CNBD1: variants seen among roughly 807,000 people sequenced by gnomAD.
CNBD1 encodes cyclic nucleotide binding domain containing 1, also known as cyclic nucleotide-binding domain-containing protein 1.
CNBD1 carries 71 observed loss-of-function variants against 54.4 expected under a neutral mutation model. The observed-to-expected ratio is 1.30, with a 90% confidence interval of 1.08 to 1.59. The LOEUF (loss-of-function observed/expected upper bound fraction) is 1.59. Among genes scored for constraint, CNBD1 ranks in the 40% most tolerant of loss-of-function variants. The pLI is 0.00. For missense variants in CNBD1, 659 were observed against 518.0 expected (o/e 1.27, Z -2.64); for synonymous variants, 182 against 170.7 (o/e 1.07, Z -0.51).
chr8:87,305,163 C>CA (rs1279991533), intron 8 of CNBD1, among the ~76,000 whole-genome samples: 2 of 151,178 alleles, frequency 1.3e-5, no homozygotes, highest in Non-Finnish European at 3.0e-5. Flanking sequence ...ACAATAGCTG[C>CA]AAAAAAAGAA....
chr8:87,388,754 G>C (rs960336236), intron 2 of CNBD1, among the ~76,000 whole-genome samples: 2 of 152,088 alleles, frequency 1.3e-5, no homozygotes, highest in Non-Finnish European at 2.9e-5. Context: ...CATTTTATGA[G>C]GCCTACATTA....
intron 8 of CNBD1, among the ~76,000 whole-genome samples, chr8:87,341,975 C>T (rs1015875871): frequency 2.6e-5 from 4 of 152,102 alleles, no homozygotes; most frequent in African/African-American, 9.7e-5. Flanking sequence ...GGGTTTCTTA[C>T]AAACAAAACT....
At chr8:87,374,116 A>G (rs1372703531) in intron 10 of CNBD1, among the ~76,000 whole-genome samples, 1 of 151,826 alleles carries the variant, frequency 6.6e-6, no homozygotes, top group Admixed American at 6.6e-5. Context: ...ATAAAAAAAG[A>G]AAATCAGAAT....
At chr8:87,018,113 C>A (rs1445940095) in intron 4 of CNBD1, among the ~76,000 whole-genome samples, 2 of 152,120 alleles carry the variant, frequency 1.3e-5, no homozygotes, top group Admixed American at 6.5e-5. Context: ...CATGGTGGCG[C>A]ATGCCTGTAA....
intron 8 of CNBD1, among the ~76,000 whole-genome samples, chr8:87,320,411 G>A (rs560664700): frequency 6.6e-6 from 1 of 152,040 alleles, no homozygotes; most frequent in Non-Finnish European, 1.5e-5. Context: ...AAAATTGGCT[G>A]AAAACATTAC....
chr8:87,273,283 T>A (rs1808405722), intron 6 of CNBD1, among the ~76,000 whole-genome samples: 1 of 151,930 alleles, frequency 6.6e-6, no homozygotes, highest in Non-Finnish European at 1.5e-5. Context: ...CTACTGAAAT[T>A]CATGAAAATG....
intron 8 of CNBD1, among the ~76,000 whole-genome samples, chr8:87,324,067 GT>G (rs1412722634): frequency 1.6e-5 from 2 of 125,356 alleles, no homozygotes; most frequent in East Asian, 4.1e-4. Flanking sequence ...TAATCATGTG[GT>G]TTTTGTCTTT....
chr8:86,890,398 C>G (rs937986237), intron 2 of CNBD1, among the ~76,000 whole-genome samples: 1 of 152,006 alleles, frequency 6.6e-6, no homozygotes, highest in Admixed American at 6.6e-5. Flanking sequence ...TGATGTTATT[C>G]ATGTTGTTGC....
chr8:87,291,307 G>C (rs1016938881), intron 8 of CNBD1, among the ~76,000 whole-genome samples: 4 of 152,032 alleles, frequency 2.6e-5, no homozygotes, highest in African/African-American at 9.7e-5. Context: ...TCCTGGAGAA[G>C]TTACTTACCC....
chr8:87,254,135 A>G (rs1320153263), intron 6 of CNBD1, among the ~76,000 whole-genome samples: 1 of 152,190 alleles, frequency 6.6e-6, no homozygotes. Context: ...AATAGTAGTG[A>G]CACCATGTCA....
chr8:87,375,862 A>C (rs1793240308), intron 10 of CNBD1, among the ~76,000 whole-genome samples: 1 of 151,908 alleles, frequency 6.6e-6, no homozygotes, highest in Admixed American at 6.6e-5. Context: ...AAATATATTC[A>C]AGATCCTATG....
At chr8:87,207,013 A>G (rs1171766637) in intron 5 of CNBD1, among the ~76,000 whole-genome samples, 1 of 152,172 alleles carries the variant, frequency 6.6e-6, no homozygotes, top group East Asian at 1.9e-4. Context: ...ATATGTGTCT[A>G]TTGAAAAAAT....
intron 8 of CNBD1, among the ~76,000 whole-genome samples, chr8:87,304,315 G>T (rs1357997468): frequency 6.6e-6 from 1 of 152,084 alleles, no homozygotes; most frequent in African/African-American, 2.4e-5. Flanking sequence ...CATAAAAAAT[G>T]ATGAGTTCAT....
chr8:87,327,513 GT>G (rs974339906), intron 8 of CNBD1, among the ~76,000 whole-genome samples: 2 of 152,036 alleles, frequency 1.3e-5, no homozygotes, highest in South Asian at 4.1e-4. Flanking sequence ...GTGGTGCGCC[GT>G]TTTTTAAGCC....
chr8:87,165,644 A>T (rs1179384419), intron 4 of CNBD1, among the ~76,000 whole-genome samples: 3 of 151,820 alleles, frequency 2.0e-5, no homozygotes, highest in Non-Finnish European at 4.4e-5. Flanking sequence ...TGTGTCCTTA[A>T]AGCTAAAGTG....
At chr8:86,874,611 T>C (rs1808488157) in intron 1 of CNBD1, among the ~76,000 whole-genome samples, 1 of 152,158 alleles carries the variant, frequency 6.6e-6, no homozygotes, top group African/African-American at 2.4e-5. Flanking sequence ...TTGACCGTTC[T>C]TTATTTGGGT....
chr8:87,163,782 G>GC lies in CNBD1; in HGVS notation c.432-42211_432-42210insC, dbSNP rs1812906495. Reference sequence around the variant, plus strand: ...AAAAGATAATTTTACTTTCTTATTTGGATGTCTTTAATTTCTTTTTCTTGT... The same window carrying GC: ...AAAAGATAATTTTACTTTCTTATTTGCGATGTCTTTAATTTCTTTTTCTTGT... On this transcript the variant is annotated intron_variant, in intron 4 of 10. Transcript: ENST00000518476. This position sits in a 1 kb window ranked among gnomAD's most constrained non-coding sequence, Gnocchi z 4.5. Among the ~76,000 whole-genome samples, 1 of 151,280 alleles carries GC rather than the reference G, an allele frequency of 6.6e-6. No homozygotes were observed. Among genetic ancestry groups the GC allele is most frequent in the Non-Finnish European group, 1.5e-5 (1 of 67,736 alleles).
At chr8:87,165,695 G>C (rs1048935422) in intron 4 of CNBD1, among the ~76,000 whole-genome samples, 3 of 151,776 alleles carry the variant, frequency 2.0e-5, no homozygotes, top group African/African-American at 7.3e-5. Context: ...CGTGTTTTAT[G>C]ATCAGCCACT....
intron 4 of CNBD1, among the ~76,000 whole-genome samples, chr8:87,015,233 A>C (rs1197697728): frequency 6.6e-6 from 1 of 152,186 alleles, no homozygotes. Context: ...TGGAGGCTGG[A>C]GTGCAGTGGC....
Sources: gnomAD v4.1 joint callset for allele counts (sites outside exome capture counted in the v4.1 genomes callset) on GRCh38, gnomAD v4.1.1 for gene constraint, Gnocchi (gnomAD v3.1) non-coding constraint, MANE v1.5 for transcripts, NCBI Gene and HGNC (gene_info 2026-07-23, HGNC 2026-07-21) for gene names.